Variants in FBXL17 observed in about 807,000 individuals in gnomAD.
FBXL17 encodes F-box/LRR-repeat protein 17.
In FBXL17, 22 loss-of-function variants were observed where a neutral mutation model predicts 66.2. The ratio of observed to expected loss-of-function variants is 0.33; its 90% confidence interval spans 0.24 to 0.47. The LOEUF is 0.47. Among genes scored for constraint, FBXL17 ranks in the 20% least tolerant of loss-of-function variants. FBXL17 has a pLI of 1.00. For missense variants in FBXL17, 878 were observed against 948.2 expected (o/e 0.93, Z 0.97); for synonymous variants, 474 against 400.5 (o/e 1.18, Z -2.19).
intron 3 of FBXL17, among the ~76,000 whole-genome samples, chr5:108,352,574 G>A (rs973071883): frequency 6.6e-6 from 1 of 151,004 alleles, no homozygotes; most frequent in Admixed American, 6.6e-5. Flanking sequence ...GCAGTGGTGT[G>A]ATCTCGGCTC....
chr5:108,057,822 A>G (rs1561389622), intron 6 of FBXL17, among the ~76,000 whole-genome samples: 3 of 152,208 alleles, frequency 2.0e-5, no homozygotes, highest in Non-Finnish European at 2.9e-5. Flanking sequence ...ATAGTCAATA[A>G]TAATTTTACC....
intron 7 of FBXL17, among the ~76,000 whole-genome samples, chr5:107,893,273 G>C (rs778439584): frequency 2.8e-4 from 43 of 152,152 alleles, no homozygotes; most frequent in Non-Finnish European, 5.7e-4. Context: ...TTCTGGATCT[G>C]CTCATCTGGG....
chr5:108,100,657 T>A (rs992987340), intron 6 of FBXL17, among the ~76,000 whole-genome samples: 1 of 152,212 alleles, frequency 6.6e-6, no homozygotes, highest in Non-Finnish European at 1.5e-5. Context: ...ATTTACAATA[T>A]CAACAGCATA....
At position 107,896,629 on chromosome 5, in the gene FBXL17, T is replaced by C. The variant is rs147058020; in HGVS notation, c.1823-15450A>G. ...ACCAGGAATAACATCATGGGACATATACAACATGCCACTAGTGTTGCTGAA... is the reference window on the plus strand; with the variant it reads ...ACCAGGAATAACATCATGGGACATACACAACATGCCACTAGTGTTGCTGAA... On this transcript the variant is annotated intron_variant, in intron 7 of 8. Coordinates refer to ENST00000542267, the MANE Select transcript of FBXL17 (RefSeq NM_001163315.3). Among the ~76,000 whole-genome samples the C allele has an allele frequency of 8.7e-3, 1,329 of 152,260 alleles. 7 individuals carry two copies. The highest frequency in any genetic ancestry group is 0.012 in the African/African-American group (488 of 41,552).
chr5:108,156,431 T>C (rs1335561047), intron 6 of FBXL17, among the ~76,000 whole-genome samples: 1 of 151,990 alleles, frequency 6.6e-6, no homozygotes, highest in Non-Finnish European at 1.5e-5. Context: ...TGTACAGTAA[T>C]ATGGGTTGTA....
At chr5:108,201,208 G>C (rs6868949) in intron 5 of FBXL17, among the ~76,000 whole-genome samples, 88 of 152,194 alleles carry the variant, frequency 5.8e-4, no homozygotes, top group African/African-American at 2.1e-3. Flanking sequence ...GAACACTTTC[G>C]TTCATCAGTA....
intron 7 of FBXL17, among the ~76,000 whole-genome samples, chr5:107,912,335 A>G (rs1311231735): frequency 6.6e-6 from 1 of 152,152 alleles, no homozygotes; most frequent in African/African-American, 2.4e-5. Context: ...CTGGGATTTA[A>G]CCAGCGAAGT....
At chr5:107,933,336 G>A (rs1157436453) in intron 7 of FBXL17, among the ~76,000 whole-genome samples, 2 of 152,026 alleles carry the variant, frequency 1.3e-5, no homozygotes, top group Middle Eastern at 3.2e-3. Context: ...CCACACATTC[G>A]GTCTGGGTAT....
At chr5:108,206,641 G>A (rs1754130138) in intron 5 of FBXL17, among the ~76,000 whole-genome samples, 1 of 151,508 alleles carries the variant, frequency 6.6e-6, no homozygotes, top group African/African-American at 2.4e-5. Context: ...TTTTTTATCT[G>A]GCTTGTTATA....
At chr5:108,351,994 C>T (rs1463229796) in intron 3 of FBXL17, among the ~76,000 whole-genome samples, 1 of 152,198 alleles carries the variant, frequency 6.6e-6, no homozygotes, top group Non-Finnish European at 1.5e-5. Flanking sequence ...GTGGCTTTAT[C>T]TATAAAGAAA....
At chr5:107,889,451 T>C (rs1385695130) in intron 7 of FBXL17, among the ~76,000 whole-genome samples, 2 of 152,112 alleles carry the variant, frequency 1.3e-5, no homozygotes, top group Non-Finnish European at 2.9e-5. Context: ...CCATCAATGG[T>C]AGATAACATT....
rs532377222 is a variant in FBXL17, at chr5:108,113,767, A to G, written c.1745+72350T>C. On this transcript the variant is annotated intron_variant, in intron 6 of 8. Transcript: ENST00000542267. Reference sequence around the variant, plus strand: ...AAATTCTCTTTTCTTGTTAATCTGGAAAGTCTATCCCCAGAATCATTCTAT... The same window carrying G: ...AAATTCTCTTTTCTTGTTAATCTGGGAAGTCTATCCCCAGAATCATTCTAT... Among the ~76,000 whole-genome samples, 13 of 152,256 alleles carry G rather than the reference A, an allele frequency of 8.5e-5. No homozygotes were observed. In the South Asian group the frequency reaches 2.1e-3, roughly 24 times the overall value.
At chr5:108,183,080 G>A (rs1370074480) in intron 6 of FBXL17, among the ~76,000 whole-genome samples, 2 of 123,882 alleles carry the variant, frequency 1.6e-5, no homozygotes, top group Admixed American at 1.0e-4. Context: ...CGCTCTTGTC[G>A]CCCAGGCTGG....
In FBXL17 at chr5:108,135,220, G is replaced by GA. The variant is rs1381973746; in HGVS notation, c.1745+50896dup. ...TCTGTTTACTTAGCATAGATTTGGA[G>GA]AAAAAAAGCTGGTGGTAGTTCTGAG... On this transcript the variant is annotated intron_variant, in intron 6 of 8. Transcript: ENST00000542267. 2.0e-5 allele frequency among the ~76,000 whole-genome samples: 3 copies of GA among 152,140 alleles called. No individual in the cohort carries two copies. In the East Asian group the frequency reaches 5.8e-4, roughly 29 times the overall value.
intron 7 of FBXL17, among the ~76,000 whole-genome samples, chr5:107,950,827 G>A (rs927542600): frequency 1.3e-5 from 2 of 152,198 alleles, no homozygotes; most frequent in African/African-American, 4.8e-5. Context: ...CATGATGGAC[G>A]TGATTAATGT....
intron 6 of FBXL17, among the ~76,000 whole-genome samples, chr5:108,169,706 TA>T (rs1389486745): frequency 1.3e-5 from 2 of 152,216 alleles, no homozygotes; most frequent in East Asian, 1.9e-4. Context: ...AGAGTATTTT[TA>T]AGGGCCGTGT....
intron 6 of FBXL17, among the ~76,000 whole-genome samples, chr5:108,107,457 G>T (rs1749845345): frequency 6.6e-6 from 1 of 152,124 alleles, no homozygotes; most frequent in African/African-American, 2.4e-5. Context: ...TACATGATCA[G>T]TCATTAATTT....
chr5:108,101,301 C>T (rs1432310629), intron 6 of FBXL17, among the ~76,000 whole-genome samples: 1 of 152,202 alleles, frequency 6.6e-6, no homozygotes, highest in Non-Finnish European at 1.5e-5. Context: ...CAAAGGAACA[C>T]AGGGCCTTCT....
chr5:108,373,154 T>C (rs1749152651), intron 1 of FBXL17, among the ~76,000 whole-genome samples: 1 of 147,686 alleles, frequency 6.8e-6, no homozygotes, highest in Non-Finnish European at 1.5e-5. Context: ...ATATTTTATT[T>C]ATATATATAA....
Sources: allele counts gnomAD v4.1 joint callset (sites outside exome capture counted in the v4.1 genomes callset), GRCh38; gene constraint gnomAD v4.1.1; transcripts MANE v1.5; gene names NCBI Gene and HGNC (gene_info 2026-07-23, HGNC 2026-07-21).